NKX3-2: variants seen among roughly 807,000 people sequenced by gnomAD.
NKX3-2 encodes the protein homeobox protein Nkx-3.2.
In NKX3-2, 13 loss-of-function variants were observed where a neutral mutation model predicts 19.4. That is an observed-to-expected ratio of 0.67 (90% confidence interval 0.44 to 1.07). NKX3-2 has a LOEUF of 1.07. NKX3-2 is among the 50% of genes least tolerant of loss of function. The pLI, the probability that NKX3-2 is intolerant of heterozygous loss-of-function variation, is 0.00. For missense variants in NKX3-2, 562 were observed against 488.2 expected (o/e 1.15, Z -1.42); for synonymous variants, 269 against 230.5 (o/e 1.17, Z -1.51).
At position 13,542,173 on chromosome 4, in the gene NKX3-2, C is replaced by A. The variant is rs1279913294; in HGVS notation, c.822G>T (p.Ala274=). The change falls in exon 2 of 2, where the codon GCG becomes GCT. Residue 274 remains alanine, a synonymous_variant. Transcript: ENST00000382438. This position sits in a 1 kb window ranked among gnomAD's most constrained non-coding sequence, Gnocchi z 6.4. The stretch of plus-strand genomic sequence containing the variant: ...TTACGGCCACCTTCTTGGCGGCGGG[C>A]GCCGAGGCCAGCAGGTCGGCTGCCA... ...RQMAADLLAS[A]PAAKKVAVKV... is the part of the protein sequence containing the mutation. 6.2e-7 allele frequency: 1 copy of A among 1,607,512 alleles called. No homozygotes were observed. The highest frequency in any genetic ancestry group is 1.1e-5 in the South Asian group (1 of 90,298).
chr4:13,547,172 T>A (rs2080023), upstream of NKX3-2: 1 of 456,338 alleles, frequency 2.2e-6, no homozygotes, highest in Non-Finnish European at 4.4e-6. Context: ...GAGGTGGTTG[T>A]ATGCCCAGAG....
upstream of NKX3-2, chr4:13,544,597 G>A (rs547818050): frequency 1.3e-3 from 448 of 342,386 alleles, 3 homozygotes; most frequent in Non-Finnish European, 2.0e-3. Context: ...GCCGACCCTC[G>A]CCCCCACCTT....
In NKX3-2 at chr4:13,544,474, G is replaced by C. The variant is rs1718077694; in HGVS notation, c.-60C>G. The C allele has an allele frequency of 1.3e-5, 17 of 1,299,024 alleles. No individual in the cohort carries two copies. Among genetic ancestry groups the C allele is most frequent in the Non-Finnish European group, 1.7e-5 (17 of 1,009,834 alleles). The allele number at this position is 1,299,024 out of a possible 1,614,324, so 80.5% of individuals were successfully genotyped here. A position where few individuals can be genotyped will look rare whatever the true frequency, so the allele number is the denominator to read the frequency against. ...CAGCTGGGGCGCCGAGCAGCTCCGAGCGGGACAGAGAGCGCCGGCGGCCGC... is the reference window on the plus strand; with the variant it reads ...CAGCTGGGGCGCCGAGCAGCTCCGACCGGGACAGAGAGCGCCGGCGGCCGC... On this transcript the variant is annotated 5_prime_UTR_variant, in exon 1 of 2. Transcript: ENST00000382438.
rs1345775901 is a variant in NKX3-2 at position 13,544,498 on chromosome 4, G to A, written c.-84C>T. 5 of 1,024,704 alleles carry A rather than the reference G, an allele frequency of 4.9e-6. No individual in the cohort carries two copies. The highest frequency in any genetic ancestry group is 3.5e-5 in the South Asian group (1 of 28,452). The allele number at this position is 1,024,704 out of a possible 1,614,324, so 63.5% of individuals were successfully genotyped here. On this transcript the variant is annotated 5_prime_UTR_variant, in exon 1 of 2. Transcript: ENST00000382438. Reference sequence around the variant, plus strand: ...AGCGGGACAGAGAGCGCCGGCGGCCGCAGCGCGAGTGAGCTGGGTGTGCGA... The same window carrying A: ...AGCGGGACAGAGAGCGCCGGCGGCCACAGCGCGAGTGAGCTGGGTGTGCGA...
chr4:13,546,555 G>T, upstream of NKX3-2: 1 of 274,530 alleles, frequency 3.6e-6, no homozygotes, highest in South Asian at 3.8e-5. Flanking sequence ...GTATAGTGAG[G>T]AGATTGACAC....
chr4:13,545,214 A>G (rs1257203293), upstream of NKX3-2, among the ~76,000 whole-genome samples: 1 of 152,154 alleles, frequency 6.6e-6, no homozygotes, highest in Non-Finnish European at 1.5e-5. Context: ...GGTCTGACTT[A>G]ACCCCTTCTC....
At chr4:13,545,894 G>T (rs1363603612), upstream of NKX3-2, among the ~76,000 whole-genome samples, 2 of 152,138 alleles carry the variant, frequency 1.3e-5, no homozygotes, top group African/African-American at 4.8e-5. Context: ...AATAAGAAAT[G>T]CATTGTATTA....
upstream of NKX3-2, chr4:13,544,517 T>A: frequency 1.4e-6 from 1 of 739,734 alleles, no homozygotes; most frequent in Non-Finnish European, 1.8e-6. Flanking sequence ...GTGAGCTGGG[T>A]GTGCGAGGCC....
rs371195747 is a variant in NKX3-2, at chr4:13,543,887, G to C, written c.466+62C>G. ...GCTCAAGCCGACCACCCCACTCGGC[G>C]TGGTTGCCCTCCGCGTCCATCCCCT... On this transcript the variant is annotated intron_variant, in intron 1 of 1. Coordinates refer to ENST00000382438, the MANE Select transcript of NKX3-2 (RefSeq NM_001189.4). This position sits in a 1 kb window ranked among gnomAD's most constrained non-coding sequence, Gnocchi z 7.1. 6.0e-4 allele frequency: 834 copies of C among 1,397,868 alleles called. 3 individuals carry two copies. In the African/African-American group the frequency reaches 0.011, roughly 19 times the overall value. 86.6% of individuals were successfully genotyped at this position (1,397,868 alleles called of 1,614,324 possible). A position where few individuals can be genotyped will look rare whatever the true frequency, so the allele number is the denominator to read the frequency against.
upstream of NKX3-2, chr4:13,547,384 C>T (rs373083502): frequency 3.5e-4 from 130 of 368,890 alleles, 2 homozygotes; most frequent in South Asian, 2.5e-3. Context: ...ACGGGCGCCA[C>T]GCTCCGGCTT....
chr4:13,542,070 G>T lies in NKX3-2; in HGVS notation c.925C>A (p.Pro309Thr). 1 of 1,608,160 alleles carries T rather than the reference G, an allele frequency of 6.2e-7. No individual in the cohort carries two copies. The highest frequency in any genetic ancestry group is 8.5e-7 in the Non-Finnish European group (1 of 1,176,710). The change falls in exon 2 of 2, where the codon CCC becomes ACC. Residue 309 changes from proline (P) to threonine (T), a missense_variant. Coordinates refer to ENST00000382438, the MANE Select transcript of NKX3-2 (RefSeq NM_001189.4). This position sits in a 1 kb window ranked among gnomAD's most constrained non-coding sequence, Gnocchi z 6.4. ...LRPPSLLPLQ[P>T]SYYYPYYCLP... ...CAGTAGTACGGGTAATAGTAGGAGG[G>T]CTGCAGTGGCAGAAGCGAGGGTGGC...
chr4:13,544,386 G>C lies in NKX3-2; in HGVS notation c.29C>G (p.Thr10Arg), dbSNP rs369239936. The change falls in exon 1 of 2, where the codon ACG becomes AGG. Residue 10 changes from threonine (T) to arginine (R), a missense_variant. Transcript: ENST00000382438. MAVRGANTLTSFSIQAILNK... is the reference protein window; with the variant it reads MAVRGANTLRSFSIQAILNK... ...GAGGATCGCCTGGATGGAGAAGGACGTCAAGGTGTTGGCGCCGCGCACAGC... is the reference window on the plus strand; with the variant it reads ...GAGGATCGCCTGGATGGAGAAGGACCTCAAGGTGTTGGCGCCGCGCACAGC... 8 of 1,548,326 alleles carry C rather than the reference G, an allele frequency of 5.2e-6. No individual in the cohort carries two copies. The highest frequency in any genetic ancestry group is 5.2e-6 in the Non-Finnish European group (6 of 1,157,104).
upstream of NKX3-2, chr4:13,547,162 G>T (rs904342122): frequency 1.3e-5 from 6 of 456,254 alleles, no homozygotes; most frequent in Admixed American, 1.4e-4. Context: ...TGGGGAAGGG[G>T]AGGTGGTTGT....
At chr4:13,545,744 A>C (rs1199153815), upstream of NKX3-2, among the ~76,000 whole-genome samples, 2 of 152,278 alleles carry the variant, frequency 1.3e-5, no homozygotes, top group South Asian at 2.1e-4. Context: ...GAAAAAAAAA[A>C]CTTTCAATTT....
rs1270389861 is a variant in NKX3-2 at position 13,542,953 on chromosome 4, ACG to A, written c.467-427_467-426del. On this transcript the variant is annotated intron_variant, in intron 1 of 1. Coordinates refer to ENST00000382438, the MANE Select transcript of NKX3-2 (RefSeq NM_001189.4). This position sits in a 1 kb window ranked among gnomAD's most constrained non-coding sequence, Gnocchi z 6.4. ...CTCCACACTTAGTTCACACGCACACACGCGCGCGTCCTCGCAGCACACACTTG... is the reference window on the plus strand; with the variant it reads ...CTCCACACTTAGTTCACACGCACACACGCGCGTCCTCGCAGCACACACTTG... Among the ~76,000 whole-genome samples, 1 of 151,488 alleles carries A rather than the reference ACG, an allele frequency of 6.6e-6. No homozygotes were observed. The highest frequency in any genetic ancestry group is 2.4e-5 in the African/African-American group (1 of 41,188).
rs1717993858 is a variant in NKX3-2 at position 13,541,908 on chromosome 4, C to A, written c.*85G>T. The A allele has an allele frequency of 3.9e-6, 6 of 1,522,638 alleles. No homozygotes were observed. Among genetic ancestry groups the A allele is most frequent in the Non-Finnish European group, 5.3e-6 (6 of 1,131,102 alleles). 94.3% of individuals were successfully genotyped at this position (1,522,638 alleles called of 1,614,324 possible). On this transcript the variant is annotated 3_prime_UTR_variant, in exon 2 of 2. Transcript: ENST00000382438. Reference sequence around the variant, plus strand: ...CTCCAGGTGCCTCCTTGGCGGGGCGCCCCGTGCAGGCTACAGCCTACAGCT... The same window carrying A: ...CTCCAGGTGCCTCCTTGGCGGGGCGACCCGTGCAGGCTACAGCCTACAGCT...
Position 13,542,281 on chromosome 4 carries a change from G to A in NKX3-2, c.714C>T (p.Asp238=), listed in dbSNP as rs753586628. The stretch of plus-strand genomic sequence containing the variant: ...CGGTGAGCTTCAGCGACGCGGCCAG[G>A]TCTGCGCGCTCGGGCCCGGACAGGT... ...QRYLSGPERA[D]LAASLKLTET... The change falls in exon 2 of 2, where the codon GAC becomes GAT. Residue 238 remains aspartate (D), a synonymous_variant. Coordinates refer to ENST00000382438, the MANE Select transcript of NKX3-2 (RefSeq NM_001189.4). This position sits in a 1 kb window ranked among gnomAD's most constrained non-coding sequence, Gnocchi z 6.4. 2 of 1,609,940 alleles carry A rather than the reference G, an allele frequency of 1.2e-6. No homozygotes were observed. The highest frequency in any genetic ancestry group is 1.7e-6 in the Non-Finnish European group (2 of 1,178,986).
At chr4:13,546,953 G>A (rs1718145468), upstream of NKX3-2, 3 of 456,280 alleles carry the variant, frequency 6.6e-6, no homozygotes, top group Middle Eastern at 3.3e-4. Flanking sequence ...GCTACGTTCC[G>A]CGTCTTCCGG....
chr4:13,546,114 A>C (rs912956566), upstream of NKX3-2: 1 of 152,248 alleles, frequency 6.6e-6, no homozygotes, highest in African/African-American at 2.4e-5. Context: ...TTAAATTGCT[A>C]GGATTGGTAG....
Sources: gnomAD v4.1 joint callset for allele counts (sites outside exome capture counted in the v4.1 genomes callset) on GRCh38, gnomAD v4.1.1 for gene constraint, Gnocchi (gnomAD v3.1) non-coding constraint, MANE v1.5 for transcripts, NCBI Gene and HGNC (gene_info 2026-07-23, HGNC 2026-07-21) for gene names.